The following POT1 variants were observed in gnomAD, a reference collection of about 807,000 sequenced individuals.
POT1 encodes the protein protection of telomeres 1, also known as protection of telomeres protein 1.
In POT1, 47 loss-of-function variants were observed where a neutral mutation model predicts 78.5. The observed-to-expected ratio is 0.60, with a 90% CI of 0.47 to 0.76. POT1 has a LOEUF of 0.76. POT1 is among the 30% of genes least tolerant of loss of function. The pLI is 0.00. For synonymous variants in POT1, 259 were observed against 260.7 expected, an observed-to-expected ratio of 0.99 and a Z score of 0.06; for missense variants, 646 against 749.9, an observed-to-expected ratio of 0.86 and a Z score of 1.62.
intron 2 of POT1, among the ~76,000 whole-genome samples, chr7:124,924,050 A>T (rs981566837): frequency 1.4e-4 from 21 of 151,540 alleles, no homozygotes; most frequent in Admixed American, 1.1e-3. Context: ...TTAACACACT[A>T]GCATCACACC....
intron 2 of POT1, among the ~76,000 whole-genome samples, chr7:124,919,466 C>T (rs1429901410): frequency 6.6e-6 from 1 of 152,094 alleles, no homozygotes; most frequent in Admixed American, 6.6e-5. Flanking sequence ...CCCTCAACAA[C>T]TCTGAATTTG....
chr7:124,870,374 C>T (rs1411074755), intron 7 of POT1, among the ~76,000 whole-genome samples: 1 of 151,942 alleles, frequency 6.6e-6, no homozygotes, highest in Non-Finnish European at 1.5e-5. Flanking sequence ...GGCTTTCTTA[C>T]ATTTAGTTAT....
intron 3 of POT1, among the ~76,000 whole-genome samples, chr7:124,911,355 T>C (rs559527673): frequency 7.4e-4 from 113 of 152,264 alleles, no homozygotes; most frequent in Admixed American, 2.2e-3. Context: ...CTCACGCTTT[T>C]TTCTGTTTTA....
Position 124,870,894 on chromosome 7 carries a change from G to T in POT1, c.255+17C>A. Reference sequence around the variant, plus strand: ...TCTCTTCAAATAAATATAAGTTCTAGACAATATGAATTATACCTTCAGCCT... The same window carrying T: ...TCTCTTCAAATAAATATAAGTTCTATACAATATGAATTATACCTTCAGCCT... On this transcript the variant is annotated intron_variant, in intron 7 of 18. Coordinates refer to ENST00000357628, the MANE Select transcript of POT1 (RefSeq NM_015450.3). The T allele has an allele frequency of 6.3e-7, 1 of 1,589,268 alleles. No homozygotes were observed. Among genetic ancestry groups the T allele is most frequent in the South Asian group, 1.1e-5 (1 of 86,996 alleles).
intron 8 of POT1, among the ~76,000 whole-genome samples, chr7:124,861,913 T>C (rs1795607282): frequency 6.6e-6 from 1 of 152,282 alleles, no homozygotes; most frequent in Middle Eastern, 3.4e-3. Flanking sequence ...CAGATGATTG[T>C]AGATGTGTGG....
chr7:124,894,685 A>G (rs981290730), intron 5 of POT1, among the ~76,000 whole-genome samples: 12 of 151,694 alleles, frequency 7.9e-5, no homozygotes, highest in Non-Finnish European at 1.0e-4. Flanking sequence ...ATGATTCCCA[A>G]TAAGCCCTAT....
intron 11 of POT1, among the ~76,000 whole-genome samples, chr7:124,850,714 A>G (rs1183406308): frequency 1.3e-5 from 2 of 152,080 alleles, no homozygotes; most frequent in African/African-American, 4.8e-5. Context: ...CCTGGGAGAC[A>G]GAGCAAGACT....
chr7:124,864,347 T>C (rs1721305842), intron 7 of POT1, among the ~76,000 whole-genome samples: 1 of 152,158 alleles, frequency 6.6e-6, no homozygotes, highest in South Asian at 2.1e-4. Flanking sequence ...AGGTAGCATA[T>C]ATTTGGTTCC....
At chr7:124,897,526 T>C (rs190821643) in intron 4 of POT1, among the ~76,000 whole-genome samples, 228 of 152,046 alleles carry the variant, frequency 1.5e-3, no homozygotes, top group African/African-American at 4.7e-3. Context: ...TGTAAAAGAA[T>C]GCCAACTCCT....
intron 15 of POT1, among the ~76,000 whole-genome samples, chr7:124,834,890 C>CG: frequency 6.6e-6 from 1 of 152,224 alleles, no homozygotes; most frequent in South Asian, 2.1e-4. Flanking sequence ...GTGGCACATA[C>CG]GCACCATGGA....
intron 2 of POT1, among the ~76,000 whole-genome samples, chr7:124,924,242 A>G (rs1395546126): frequency 6.6e-6 from 1 of 151,742 alleles, no homozygotes; most frequent in Non-Finnish European, 1.5e-5. Context: ...CAGCTAGACT[A>G]ACCAAGAAAA....
At chr7:124,923,492 T>A (rs1797200463) in intron 2 of POT1, among the ~76,000 whole-genome samples, 1 of 151,456 alleles carries the variant, frequency 6.6e-6, no homozygotes, top group African/African-American at 2.4e-5. Flanking sequence ...GGAAAAAGCA[T>A]AAAAAGGAAT....
chr7:124,894,174 GT>G (rs1796438443), intron 5 of POT1, among the ~76,000 whole-genome samples: 2 of 151,422 alleles, frequency 1.3e-5, no homozygotes, highest in South Asian at 4.1e-4. Context: ...TAAAAAATTA[GT>G]TTTTCCAAGG....
intron 14 of POT1, chr7:124,837,085 A>C (rs1223365593): frequency 5.9e-6 from 1 of 168,514 alleles, no homozygotes; most frequent in African/African-American, 2.4e-5. Context: ...TGGACTATGG[A>C]GACAGAAAGG....
At chr7:124,843,070 T>A in intron 12 of POT1, 107 bp from the exon 13 acceptor site, 3 of 791,386 alleles carry the variant, frequency 3.8e-6, no homozygotes, top group East Asian at 3.0e-5. Flanking sequence ...TAAGCTCTAT[T>A]AAGTGTCACT....
At chr7:124,918,180 T>TA (rs1797064512) in intron 2 of POT1, among the ~76,000 whole-genome samples, 1 of 152,150 alleles carries the variant, frequency 6.6e-6, no homozygotes, top group African/African-American at 2.4e-5. Context: ...ATTAGTAAAT[T>TA]AAGACAAATT....
chr7:124,843,699 A>G (rs752045907), intron 12 of POT1, among the ~76,000 whole-genome samples: 6 of 152,176 alleles, frequency 3.9e-5, no homozygotes, highest in Non-Finnish European at 4.4e-5. Context: ...ATTGCTGGTG[A>G]CCCTTAGCTT....
At chr7:124,921,342 C>A (rs1797144894) in intron 2 of POT1, among the ~76,000 whole-genome samples, 1 of 152,010 alleles carries the variant, frequency 6.6e-6, no homozygotes, top group African/African-American at 2.4e-5. Context: ...AAATATCACA[C>A]TAACTGACCA....
Position 124,822,474 on chromosome 7 carries a change from T to A in POT1, c.*1488A>T, listed in dbSNP as rs926580905. 10 of 434,850 alleles carry A rather than the reference T, an allele frequency of 2.3e-5. No homozygotes were observed. Among genetic ancestry groups the A allele is most frequent in the Admixed American group, 2.2e-4 (9 of 41,070 alleles). 26.9% of individuals were successfully genotyped at this position (434,850 alleles called of 1,614,324 possible). On this transcript the variant is annotated 3_prime_UTR_variant, in exon 19 of 19. Transcript: ENST00000357628. The stretch of plus-strand genomic sequence containing the variant: ...GATTCATAGGAAGAGTTTTCCTTTG[T>A]TAACGTGGAGATCTTGCAGGCTCAC...
Sources: gnomAD v4.1 joint callset for allele counts (sites outside exome capture counted in the v4.1 genomes callset) on GRCh38, gnomAD v4.1.1 for gene constraint, MANE v1.5 for transcripts, NCBI Gene and HGNC (gene_info 2026-07-23, HGNC 2026-07-21) for gene names.